TG: variants seen among roughly 807,000 people sequenced by gnomAD.
TG encodes the protein thyroglobulin.
In TG, 270 loss-of-function variants were observed where a neutral mutation model predicts 324.7. That is an observed-to-expected ratio of 0.83 (90% CI 0.75 to 0.92). The LOEUF (loss-of-function observed/expected upper bound fraction) is 0.92, where lower values mean the gene tolerates loss of function less well. Ranked by LOEUF, TG falls within the 40% of genes least tolerant of loss-of-function variation. The pLI is 0.00. For synonymous variants in TG, 1,401 were observed against 1,327.0 expected (o/e 1.06, Z -1.21); for missense variants, 3,591 against 3,456.4 (o/e 1.04, Z -0.98).
At chr8:132,929,878 G>A (rs1822441187) in intron 23 of TG, among the ~76,000 whole-genome samples, 1 of 152,114 alleles carries the variant, frequency 6.6e-6, no homozygotes, top group South Asian at 2.1e-4. Context: ...GATTTAGGGG[G>A]TGTGCATGCA....
At chr8:133,012,169 G>A in intron 36 of TG, 134 bp downstream of exon 36, 3 of 1,333,468 alleles carry the variant, frequency 2.2e-6, no homozygotes, top group Non-Finnish European at 3.1e-6. Context: ...ATTAACCTGG[G>A]GAAGAAGACC....
chr8:132,924,060 T>A (rs1821475012), intron 22 of TG, among the ~76,000 whole-genome samples: 1 of 152,100 alleles, frequency 6.6e-6, no homozygotes, highest in South Asian at 2.1e-4. Flanking sequence ...ATGAAATAAT[T>A]ATACAACTCA....
At chr8:132,982,102 A>G (rs193121925) in intron 34 of TG, among the ~76,000 whole-genome samples, 4 of 152,348 alleles carry the variant, frequency 2.6e-5, no homozygotes, top group East Asian at 1.9e-4. Context: ...AACGTTTACT[A>G]TATGATCAGA....
chr8:133,012,792 A>G (rs773173519), intron 36 of TG, among the ~76,000 whole-genome samples: 18 of 152,266 alleles, frequency 1.2e-4, no homozygotes, highest in Non-Finnish European at 2.5e-4. Flanking sequence ...GGGTGGTACC[A>G]TTCACAGAAA....
intron 24 of TG, among the ~76,000 whole-genome samples, chr8:132,934,942 T>G (rs1482822208): frequency 6.6e-6 from 1 of 152,096 alleles, no homozygotes; most frequent in Admixed American, 6.6e-5. Context: ...GGATAGAAAC[T>G]AAGTGCCTGT....
chr8:133,009,055 C>T (rs192941676), intron 35 of TG, among the ~76,000 whole-genome samples: 28 of 152,266 alleles, frequency 1.8e-4, no homozygotes, highest in African/African-American at 6.3e-4. Flanking sequence ...GGACTTGGCT[C>T]CAGGCCCTGG....
chr8:132,929,091 A>C lies in TG; in HGVS notation c.4715A>C (p.Glu1572Ala). 1.2e-6 allele frequency: 2 copies of C among 1,613,950 alleles called. No homozygotes were observed. Among genetic ancestry groups the C allele is most frequent in the Non-Finnish European group, 1.7e-6 (2 of 1,179,980 alleles). ...TTATTTTTAGTGATGCAGAAGTTTG[A>C]GAAGGTTCCAGAATCAAAGGTGATC... ...DSQCLMMQKFEKVPESKVIFD... is the reference protein window; with the variant it reads ...DSQCLMMQKFAKVPESKVIFD... The change falls in exon 23 of 48, where the codon GAG becomes GCG. Residue 1572 changes from glutamate to alanine, a missense_variant. Transcript: ENST00000220616.
At chr8:132,984,866 C>A (rs1831322297) in intron 35 of TG, among the ~76,000 whole-genome samples, 2 of 151,562 alleles carry the variant, frequency 1.3e-5, no homozygotes, top group African/African-American at 4.9e-5. Flanking sequence ...CTCTTGAACC[C>A]AGGAGGCAGA....
intron 35 of TG, among the ~76,000 whole-genome samples, chr8:133,008,720 G>T (rs934730336): frequency 2.6e-5 from 4 of 152,164 alleles, no homozygotes; most frequent in African/African-American, 9.7e-5. Context: ...TGGCTAAGCC[G>T]ATTGGCTAAG....
intron 19 of TG, among the ~76,000 whole-genome samples, chr8:132,912,589 T>C (rs1429584393): frequency 2.0e-5 from 3 of 152,118 alleles, no homozygotes; most frequent in Non-Finnish European, 4.4e-5. Flanking sequence ...TTTGCTTTCT[T>C]TTTGAGTGGC....
intron 35 of TG, among the ~76,000 whole-genome samples, chr8:132,987,026 A>G (rs1457932653): frequency 6.6e-6 from 1 of 152,156 alleles, no homozygotes; most frequent in Non-Finnish European, 1.5e-5. Flanking sequence ...TTTTTGCTAA[A>G]CATTTGTATT....
intron 10 of TG, among the ~76,000 whole-genome samples, chr8:132,890,144 A>G (rs1816024991): frequency 6.6e-6 from 1 of 152,028 alleles, no homozygotes; most frequent in African/African-American, 2.4e-5. Flanking sequence ...TAATTGAGTA[A>G]CAAGAGACTG....
At chr8:133,068,135 G>C (rs1471930627) in intron 41 of TG, among the ~76,000 whole-genome samples, 1 of 152,168 alleles carries the variant, frequency 6.6e-6, no homozygotes, top group Non-Finnish European at 1.5e-5. Flanking sequence ...ACTCTCACAG[G>C]ACAAGGGAAA....
chr8:132,977,285 A>G (rs907189711), intron 34 of TG, among the ~76,000 whole-genome samples: 8 of 152,178 alleles, frequency 5.3e-5, no homozygotes, highest in Non-Finnish European at 1.2e-4. Context: ...CAGGATGGAT[A>G]GGATCCTCTC....
intron 40 of TG, among the ~76,000 whole-genome samples, chr8:133,028,221 A>C (rs990107567): frequency 7.2e-5 from 11 of 152,224 alleles, no homozygotes; most frequent in African/African-American, 2.7e-4. Flanking sequence ...GGTCTGACTC[A>C]GTTGGTGCCC....
chr8:132,948,202 A>T (rs1390768317), intron 26 of TG, among the ~76,000 whole-genome samples: 1 of 151,864 alleles, frequency 6.6e-6, no homozygotes, highest in Non-Finnish European at 1.5e-5. Context: ...AAAGTTTCTT[A>T]CTTTGAATCT....
Position 132,873,086 on chromosome 8 carries a change from A to G in TG, c.503A>G (p.Asn168Ser). 1.2e-6 allele frequency: 2 copies of G among 1,614,198 alleles called. No individual in the cohort carries two copies. The highest frequency in any genetic ancestry group is 1.7e-6 in the Non-Finnish European group (2 of 1,180,036). The change falls in exon 5 of 48, where the codon AAT becomes AGT. Residue 168 changes from asparagine (N) to serine (S), a missense_variant. Coordinates refer to ENST00000220616, the MANE Select transcript of TG (RefSeq NM_003235.5). ...GGTCCAAGGAGCTGTGAAATAAGAA[A>G]TCGTCGTCTTCTCCACGGGGTGGGA... ...KRCPRSCEIR[N>S]RRLLHGVGDK...
At chr8:132,937,341 T>C (rs2142378) in intron 25 of TG, among the ~76,000 whole-genome samples, 102,237 of 152,062 alleles carry the variant, frequency 0.67, 34,748 homozygotes, top group East Asian at 0.76. Flanking sequence ...GCCCTGACCT[T>C]GGTAGCAATT....
chr8:133,077,435 C>T (rs1466123403), intron 41 of TG, among the ~76,000 whole-genome samples: 1 of 152,110 alleles, frequency 6.6e-6, no homozygotes, highest in Non-Finnish European at 1.5e-5. Context: ...CTCCCCTGAC[C>T]CCCAGCCCGG....
Sources: gnomAD v4.1 joint callset for allele counts (sites outside exome capture counted in the v4.1 genomes callset) on GRCh38, gnomAD v4.1.1 for gene constraint, MANE v1.5 for transcripts, NCBI Gene and HGNC (gene_info 2026-07-23, HGNC 2026-07-21) for gene names.